The following ARHGEF37 variants were observed in gnomAD, a reference collection of about 807,000 sequenced individuals.
The protein encoded by ARHGEF37 is Rho guanine nucleotide exchange factor (GEF) 37.
A neutral mutation model predicts 71.1 loss-of-function variants in ARHGEF37; 55 were observed. The observed-to-expected ratio is 0.77, with a 90% CI of 0.62 to 0.97. The LOEUF (loss-of-function observed/expected upper bound fraction) is 0.97, where lower values mean the gene tolerates loss of function less well. ARHGEF37 is among the 50% of genes least tolerant of loss of function. The pLI is 0.00. For synonymous variants in ARHGEF37, 327 were observed against 350.6 expected, an observed-to-expected ratio of 0.93 and a Z score of 0.75; for missense variants, 765 against 836.8, an observed-to-expected ratio of 0.91 and a Z score of 1.06.
At chr5:149,587,107 G>A (rs1763262541) in intron 1 of ARHGEF37, among the ~76,000 whole-genome samples, 1 of 152,146 alleles carries the variant, frequency 6.6e-6, no homozygotes, top group Non-Finnish European at 1.5e-5. Context: ...GAATAAAAAT[G>A]TATTCACTCA....
intron 1 of ARHGEF37, among the ~76,000 whole-genome samples, chr5:149,559,309 A>G (rs571814315): frequency 6.6e-6 from 1 of 152,326 alleles, no homozygotes; most frequent in Admixed American, 6.5e-5. Flanking sequence ...CGACAGAACA[A>G]GACTCCGTCT....
chr5:149,566,544 A>ACAG (rs1762903131), intron 1 of ARHGEF37, among the ~76,000 whole-genome samples: 2 of 145,784 alleles, frequency 1.4e-5, no homozygotes, highest in African/African-American at 5.0e-5. Context: ...AACAACAACA[A>ACAG]CAACAACAAA....
chr5:149,564,006 G>T (rs1338809964), intron 1 of ARHGEF37, among the ~76,000 whole-genome samples: 1 of 139,806 alleles, frequency 7.2e-6, no homozygotes, highest in Non-Finnish European at 1.5e-5. Flanking sequence ...AGCCTGGAGT[G>T]CAGTGGCGCG....
At chr5:149,626,231 G>A (rs1752679497) in intron 10 of ARHGEF37, among the ~76,000 whole-genome samples, 2 of 137,236 alleles carry the variant, frequency 1.5e-5, no homozygotes, top group South Asian at 4.8e-4. Flanking sequence ...TAACCACATA[G>A]AGCATGGTGA....
rs552298903 is a variant in ARHGEF37 at position 149,621,817 on chromosome 5, C to T, written c.1090C>T (p.Arg364Cys). 84 of 1,614,234 alleles carry T rather than the reference C, an allele frequency of 5.2e-5. No individual in the cohort carries two copies. Among genetic ancestry groups the T allele is most frequent in the Admixed American group, 1.3e-4 (8 of 60,036 alleles). ...LLGPQNLIKKRLDKLLDFERV... is the reference protein window; with the variant it reads ...LLGPQNLIKKCLDKLLDFERV... ...TGGCCCTCAGAACCTGATCAAGAAG[C>T]GTCTGGACAAGCTACTGGACTTTGA... The change falls in exon 9 of 13, where the codon CGT (arginine) becomes TGT (cysteine). Residue 364 changes from arginine to cysteine, a missense_variant. Arg to Cys is a radical substitution (Grantham distance 180). Transcript: ENST00000333677.
intron 1 of ARHGEF37, among the ~76,000 whole-genome samples, chr5:149,553,606 C>G (rs1762715128): frequency 6.6e-6 from 1 of 152,016 alleles, no homozygotes; most frequent in Non-Finnish European, 1.5e-5. Flanking sequence ...TAAAAATGCT[C>G]AATGAAGCCG....
chr5:149,623,611 AG>A (rs1752600392), intron 9 of ARHGEF37, among the ~76,000 whole-genome samples: 1 of 152,278 alleles, frequency 6.6e-6, no homozygotes, highest in South Asian at 2.1e-4. Context: ...GCAGAAAGTA[AG>A]GGCGCTTCCT....
intron 1 of ARHGEF37, among the ~76,000 whole-genome samples, chr5:149,591,426 C>G (rs1469807519): frequency 6.6e-6 from 1 of 152,102 alleles, no homozygotes; most frequent in Admixed American, 6.6e-5. Flanking sequence ...CTCTATTGCC[C>G]AGGCTGGAGT....
At chr5:149,581,336 G>C (rs967040815), upstream of ARHGEF37, 3 of 152,294 alleles carry the variant, frequency 2.0e-5, no homozygotes, top group African/African-American at 7.2e-5. Context: ...TGCCAGCCAG[G>C]GCACGGTTCC....
At chr5:149,563,945 A>ATTT (rs1371071049) in intron 1 of ARHGEF37, among the ~76,000 whole-genome samples, 1 of 149,122 alleles carries the variant, frequency 6.7e-6, no homozygotes, top group African/African-American at 2.5e-5. Flanking sequence ...AATTAGTTTA[A>ATTT]ATTTTTTTTT....
At position 149,632,028 on chromosome 5, in the gene ARHGEF37, G is replaced by A. The variant is rs1425541962; in HGVS notation, c.1865G>A (p.Ser622Asn). Reference protein sequence around the residue: ...PFVARSSHEVSLQAGQPVTIL... With the variant: ...PFVARSSHEVNLQAGQPVTIL... ...GTGGCCAGAAGCAGCCATGAAGTGA[G>A]CCTGCAGGCAGGCCAGCCTGTGACC... Residue 622 changes from serine (S) to asparagine (N), a missense_variant, in exon 13 of 13, where the codon AGC (serine) becomes AAC (asparagine). Physicochemically the swap from Ser to Asn is conservative, Grantham distance 46. This residue lies in a region of ARHGEF37 where 390 missense variants were observed against 407.4 expected (regional missense o/e 0.96). Transcript: ENST00000333677. The A allele has an allele frequency of 2.5e-6, 4 of 1,614,258 alleles. No individual in the cohort carries two copies. The highest frequency in any genetic ancestry group is 3.4e-6 in the Non-Finnish European group (4 of 1,180,044).
At chr5:149,561,258 G>A (rs991469918) in intron 1 of ARHGEF37, among the ~76,000 whole-genome samples, 2 of 121,220 alleles carry the variant, frequency 1.6e-5, no homozygotes, top group African/African-American at 6.3e-5. Context: ...GGGCAACAGA[G>A]CAAGACTCTG....
rs376250192 is a variant in ARHGEF37 at position 149,616,632 on chromosome 5, A to G, written c.524A>G (p.Tyr175Cys). The stretch of plus-strand genomic sequence containing the variant: ...ATTCCTCTGCAGAGGATCACCAGGT[A>G]CCCACTGCTGCTGCAGAAAATCCTG... ...LVIPLQRITR[Y>C]PLLLQKILEN... The change falls in exon 5 of 13, where the codon TAC (tyrosine) becomes TGC (cysteine). Residue 175 changes from tyrosine to cysteine, a missense_variant. By Grantham distance (194) the Tyr-to-Cys change is radical. Around this residue, in one of 5 missense-constraint regions of ARHGEF37, gnomAD observed 201 missense variants for 217.5 expected, o/e 0.92. Transcript: ENST00000333677. 6 of 1,613,344 alleles carry G rather than the reference A, an allele frequency of 3.7e-6. No homozygotes were observed. Among genetic ancestry groups the G allele is most frequent in the Middle Eastern group, 1.8e-4 (1 of 5,586 alleles).
At chr5:149,624,438 C>T (rs919345243) in intron 10 of ARHGEF37, among the ~76,000 whole-genome samples, 3 of 152,190 alleles carry the variant, frequency 2.0e-5, no homozygotes, top group Non-Finnish European at 4.4e-5. Context: ...GGGCAACTGG[C>T]ATTGACATCC....
intron 1 of ARHGEF37, among the ~76,000 whole-genome samples, chr5:149,591,244 T>C (rs1028947241): frequency 6.7e-6 from 1 of 149,438 alleles, no homozygotes; most frequent in African/African-American, 2.5e-5. Context: ...AAAAAAAAGT[T>C]GAATGTTCCA....
intron 1 of ARHGEF37, among the ~76,000 whole-genome samples, chr5:149,565,541 T>C (rs1762887430): frequency 6.6e-6 from 1 of 152,162 alleles, no homozygotes; most frequent in African/African-American, 2.4e-5. Flanking sequence ...CAAGAGACAC[T>C]GAAATATACC....
At chr5:149,617,114 T>C (rs1752404072) in intron 5 of ARHGEF37, among the ~76,000 whole-genome samples, 1 of 152,228 alleles carries the variant, frequency 6.6e-6, no homozygotes, top group South Asian at 2.1e-4. Flanking sequence ...TTCTCTTTGA[T>C]AGGACCCACC....
At chr5:149,615,095 C>T (rs927381768) in intron 4 of ARHGEF37, among the ~76,000 whole-genome samples, 2 of 152,124 alleles carry the variant, frequency 1.3e-5, no homozygotes, top group African/African-American at 2.4e-5. Flanking sequence ...AACTAGTCAT[C>T]CATGCATCAG....
At chr5:149,562,532 T>C (rs1469533887) in intron 1 of ARHGEF37, among the ~76,000 whole-genome samples, 4 of 152,150 alleles carry the variant, frequency 2.6e-5, no homozygotes, top group Admixed American at 6.5e-5. Flanking sequence ...CACTGCAAGC[T>C]CCCGGGTTCA....
Sources: allele counts gnomAD v4.1 joint callset (sites outside exome capture counted in the v4.1 genomes callset), GRCh38; gene constraint gnomAD v4.1.1; regional missense constraint gnomAD v4.1.1; transcripts MANE v1.5; gene names NCBI Gene and HGNC (gene_info 2026-07-23, HGNC 2026-07-21).